SUCLA2: variants seen among roughly 807,000 people sequenced by gnomAD.
SUCLA2 encodes the protein succinate-CoA ligase ADP-forming subunit beta, also known as succinate--CoA ligase [ADP-forming] subunit beta, mitochondrial.
A neutral mutation model predicts 54.8 loss-of-function variants in SUCLA2; 30 were observed. The ratio of observed to expected loss-of-function variants is 0.55; its 90% confidence interval spans 0.41 to 0.74. The LOEUF (loss-of-function observed/expected upper bound fraction) is 0.74. Ranked by LOEUF, SUCLA2 falls within the 30% of genes least tolerant of loss-of-function variation. The pLI, the probability that SUCLA2 is intolerant of heterozygous loss-of-function variation, is 0.00. For synonymous variants in SUCLA2, 172 were observed against 188.9 expected, an observed-to-expected ratio of 0.91 and a Z score of 0.74; for missense variants, 476 against 562.9, an observed-to-expected ratio of 0.85 and a Z score of 1.56.
intron 6 of SUCLA2, chr13:47,965,771 A>T (rs1316283688): frequency 5.1e-6 from 2 of 392,496 alleles, no homozygotes; most frequent in Admixed American, 4.4e-5. Flanking sequence ...TATATAAGAG[A>T]ACGTTCTTGG....
chr13:47,964,733 TGTAGTCCCA>T (rs1360221118), intron 6 of SUCLA2, among the ~76,000 whole-genome samples: 2 of 152,030 alleles, frequency 1.3e-5, no homozygotes, highest in Non-Finnish European at 2.9e-5. Flanking sequence ...GGCGGGCACC[TGTAGTCCCA>T]GCTGCTTGGG....
In SUCLA2 at chr13:47,977,948, C is replaced by A. The variant is rs191151393; in HGVS notation, c.535-4556G>T. ...AAAGAGGATAAAATACCTAGAAATA[C>A]AACTTACAAGAGATGTGAAGAACCT... On this transcript the variant is annotated intron_variant, in intron 4 of 10. Transcript: ENST00000646932. Among the ~76,000 whole-genome samples the A allele has an allele frequency of 3.3e-3, 500 of 152,212 alleles. 3 individuals are homozygous for A. The highest frequency in any genetic ancestry group is 0.011 in the African/African-American group (459 of 41,536).
At chr13:47,945,541 C>A (rs1340579640) in intron 10 of SUCLA2, among the ~76,000 whole-genome samples, 1 of 150,356 alleles carries the variant, frequency 6.7e-6, no homozygotes, top group Non-Finnish European at 1.5e-5. Context: ...ACAAAAAATT[C>A]TCATCTCTCT....
In SUCLA2 at chr13:47,954,380, T is replaced by C. The variant is rs749092948; in HGVS notation, c.964+16A>G. The stretch of plus-strand genomic sequence containing the variant: ...AAACTTAGTGAATCCAATTCTAACA[T>C]AAAAACACATGGTACCTAGGCAGCC... On this transcript the variant is annotated intron_variant, in intron 7 of 10. Coordinates refer to ENST00000646932, the MANE Select transcript of SUCLA2 (RefSeq NM_003850.3). 5 of 1,613,940 alleles carry C rather than the reference T, an allele frequency of 3.1e-6. No individual in the cohort carries two copies. In the Admixed American group the frequency reaches 5.0e-5, roughly 16 times the overall value.
At chr13:47,961,740 A>G (rs1459516569) in intron 6 of SUCLA2, among the ~76,000 whole-genome samples, 6 of 152,222 alleles carry the variant, frequency 3.9e-5, no homozygotes, top group Non-Finnish European at 5.9e-5. Context: ...TGTCAGTAGT[A>G]ATTATGATTA....
At chr13:47,959,223 T>A (rs1949846586) in intron 6 of SUCLA2, among the ~76,000 whole-genome samples, 1 of 152,048 alleles carries the variant, frequency 6.6e-6, no homozygotes, top group Admixed American at 6.6e-5. Flanking sequence ...AATTATGGGC[T>A]TGAAAAAGTT....
intron 1 of SUCLA2, among the ~76,000 whole-genome samples, chr13:47,999,329 C>T (rs945036434): frequency 6.6e-6 from 1 of 152,158 alleles, no homozygotes; most frequent in Non-Finnish European, 1.5e-5. Context: ...TTCTTAAAGA[C>T]ATATGCTGAA....
At chr13:47,962,571 G>C (rs12431108) in intron 6 of SUCLA2, among the ~76,000 whole-genome samples, 10,205 of 152,222 alleles carry the variant, frequency 0.067, 647 homozygotes, top group East Asian at 0.18. Flanking sequence ...GCTGTGATTT[G>C]TCTTTGGTGG....
In SUCLA2 at chr13:47,942,760, A is replaced by G. The variant is rs1566078844; in HGVS notation, c.*611T>C. ...GAAGCAAACCTACAGGTGTTTCTTA[A>G]TATGACAGAATCATGAAGACTTGCA... On this transcript the variant is annotated 3_prime_UTR_variant, in exon 11 of 11. Transcript: ENST00000646932. The G allele has an allele frequency of 2.0e-5, 3 of 152,570 alleles. No homozygotes were observed. The highest frequency in any genetic ancestry group is 4.4e-5 in the Non-Finnish European group (3 of 68,274). The allele number at this position is 152,570 out of a possible 1,614,324, so 9.5% of individuals were successfully genotyped here.
intron 4 of SUCLA2, among the ~76,000 whole-genome samples, chr13:47,977,585 T>A (rs1361819959): frequency 6.6e-6 from 1 of 152,118 alleles, no homozygotes; most frequent in Non-Finnish European, 1.5e-5. Flanking sequence ...CATGATCAAG[T>A]GGGACTTAAC....
intron 6 of SUCLA2, among the ~76,000 whole-genome samples, chr13:47,966,409 T>C (rs954359084): frequency 2.0e-5 from 3 of 152,080 alleles, no homozygotes; most frequent in Admixed American, 1.3e-4. Flanking sequence ...ATCCTTTTAC[T>C]TTCCATATAA....
intron 5 of SUCLA2, among the ~76,000 whole-genome samples, chr13:47,969,263 A>G (rs1949942609): frequency 6.6e-6 from 1 of 152,048 alleles, no homozygotes; most frequent in African/African-American, 2.4e-5. Flanking sequence ...AAGCCAAAAT[A>G]TTAGAAGACC....
In SUCLA2 at chr13:47,999,721, A is replaced by G. The variant is rs911657870; in HGVS notation, c.90+1459T>C. Among the ~76,000 whole-genome samples, 496 of 152,138 alleles carry G rather than the reference A, an allele frequency of 3.3e-3. 6 individuals carry two copies. Among genetic ancestry groups the G allele is most frequent in the East Asian group, 0.013 (68 of 5,172 alleles). ...GACTCCGTCTCAAGGAAAAAAAAAA[A>G]AAAATGTGGAAAACAAATTGCTAAA... On this transcript the variant is annotated intron_variant, in intron 1 of 10. Transcript: ENST00000646932.
In SUCLA2 at chr13:47,976,016, G is replaced by A. The variant is rs1324356112; in HGVS notation, c.535-2624C>T. Among the ~76,000 whole-genome samples, 5 of 152,164 alleles carry A rather than the reference G, an allele frequency of 3.3e-5. No homozygotes were observed. The South Asian group carries it at 6.2e-4, about 19-fold the overall frequency. Reference sequence around the variant, plus strand: ...AATCCTAGCACTTTGGGAAGCCAACGCAGGAGGACTGCTTGAGTCTGGGAG... The same window carrying A: ...AATCCTAGCACTTTGGGAAGCCAACACAGGAGGACTGCTTGAGTCTGGGAG... On this transcript the variant is annotated intron_variant, in intron 4 of 10. Coordinates refer to ENST00000646932, the MANE Select transcript of SUCLA2 (RefSeq NM_003850.3).
intron 2 of SUCLA2, among the ~76,000 whole-genome samples, chr13:47,994,007 G>A (rs1257427751): frequency 6.7e-6 from 1 of 149,422 alleles, no homozygotes; most frequent in African/African-American, 2.5e-5. Context: ...GCGGTGAGCT[G>A]AGATGGCGCC....
intron 4 of SUCLA2, among the ~76,000 whole-genome samples, chr13:47,976,304 C>A (rs1300642975): frequency 1.3e-5 from 2 of 152,114 alleles, no homozygotes; most frequent in African/African-American, 4.8e-5. Context: ...AAGCTCAAAG[C>A]CAAGAACATC....
chr13:47,991,755 G>A (rs1230974001), intron 2 of SUCLA2: 3 of 152,124 alleles, frequency 2.0e-5, no homozygotes, highest in East Asian at 1.9e-4. Context: ...CTGCTCTTAC[G>A]AAAACTCCCA....
chr13:47,951,367 C>G (rs1380598031), intron 8 of SUCLA2, among the ~76,000 whole-genome samples: 4 of 124,948 alleles, frequency 3.2e-5, no homozygotes, highest in African/African-American at 1.2e-4. Context: ...CTCTAATCTT[C>G]TACTCTATTA....
intron 6 of SUCLA2, among the ~76,000 whole-genome samples, chr13:47,955,127 A>G (rs1388990184): frequency 6.6e-6 from 1 of 152,196 alleles, no homozygotes; most frequent in Non-Finnish European, 1.5e-5. Flanking sequence ...GAGGGGTCTC[A>G]GAACAAGGGT....
Sources: allele counts gnomAD v4.1 joint callset (sites outside exome capture counted in the v4.1 genomes callset), GRCh38; gene constraint gnomAD v4.1.1; transcripts MANE v1.5; gene names NCBI Gene and HGNC (gene_info 2026-07-23, HGNC 2026-07-21).